The following TAFA5 variants were observed in gnomAD, a reference collection of about 807,000 sequenced individuals.
TAFA5 encodes the protein chemokine-like protein TAFA-5.
A neutral mutation model predicts 15.3 loss-of-function variants in TAFA5; 6 were observed. The ratio of observed to expected loss-of-function variants is 0.39; its 90% CI spans 0.21 to 0.77. TAFA5 has a LOEUF of 0.77. TAFA5 is among the 30% of genes least tolerant of loss of function. The pLI is 0.41. For missense variants in TAFA5, 161 were observed against 193.1 expected, an observed-to-expected ratio of 0.83 and a Z score of 0.98; for synonymous variants, 103 against 80.7, an observed-to-expected ratio of 1.28 and a Z score of -1.48.
intron 1 of TAFA5, among the ~76,000 whole-genome samples, chr22:48,564,116 C>T (rs750138745): frequency 6.6e-6 from 1 of 152,204 alleles, no homozygotes; most frequent in East Asian, 1.9e-4. Flanking sequence ...TCCACAAAGG[C>T]GGCTCATCCC....
chr22:48,726,691 G>A (rs1929725941), intron 3 of TAFA5, among the ~76,000 whole-genome samples: 1 of 152,078 alleles, frequency 6.6e-6, no homozygotes, highest in Admixed American at 6.5e-5. Context: ...CAATCCAGTC[G>A]TGGTAGTCTA....
In TAFA5 at chr22:48,598,994, C is replaced by T. The variant is rs934762306; in HGVS notation, c.113-47603C>T. Among the ~76,000 whole-genome samples the T allele has an allele frequency of 1.3e-5, 2 of 152,170 alleles. No homozygotes were observed. The highest frequency in any genetic ancestry group is 4.8e-5 in the African/African-American group (2 of 41,448). On this transcript the variant is annotated intron_variant, in intron 1 of 3. Coordinates refer to ENST00000402357, the MANE Select transcript of TAFA5 (RefSeq NM_001082967.3). This position sits in a 1 kb window ranked among gnomAD's most constrained non-coding sequence, Gnocchi z 4.0. Reference sequence around the variant, plus strand: ...GGGTATGACGGGCTGTGCCAGCTGGCAGAGGTGCATAGGGCCAGGGGAGGG... The same window carrying T: ...GGGTATGACGGGCTGTGCCAGCTGGTAGAGGTGCATAGGGCCAGGGGAGGG...
chr22:48,600,421 C>T (rs1924923506), intron 1 of TAFA5, among the ~76,000 whole-genome samples: 1 of 152,148 alleles, frequency 6.6e-6, no homozygotes, highest in South Asian at 2.1e-4. Context: ...CATGAAGGGG[C>T]CCGAGGCAGC....
chr22:48,734,889 A>G (rs1475758302), intron 3 of TAFA5, among the ~76,000 whole-genome samples: 1 of 152,176 alleles, frequency 6.6e-6, no homozygotes, highest in Non-Finnish European at 1.5e-5. Flanking sequence ...ACCATGTTCA[A>G]AACTAAATTC....
intron 2 of TAFA5, among the ~76,000 whole-genome samples, chr22:48,663,781 T>A (rs1403733230): frequency 6.6e-6 from 1 of 152,212 alleles, no homozygotes; most frequent in East Asian, 1.9e-4. Flanking sequence ...TGCCTATTAG[T>A]CACTAAGTAG....
In TAFA5 at chr22:48,542,024, C is replaced by T. The variant is rs1222532518; in HGVS notation, c.112+52320C>T. On this transcript the variant is annotated intron_variant, in intron 1 of 3. Coordinates refer to ENST00000402357, the MANE Select transcript of TAFA5 (RefSeq NM_001082967.3). ...ATCAGCCGCTGTGGTTCTTGTCACC[C>T]GGGTGTTCAGATTGGAGGGGCCGGG... Among the ~76,000 whole-genome samples, 6 of 152,050 alleles carry T rather than the reference C, an allele frequency of 3.9e-5. No homozygotes were observed. In the East Asian group the frequency reaches 7.7e-4, roughly 20 times the overall value.
At chr22:48,525,277 G>T (rs1921741253) in intron 1 of TAFA5, among the ~76,000 whole-genome samples, 1 of 152,154 alleles carries the variant, frequency 6.6e-6, no homozygotes, top group Non-Finnish European at 1.5e-5. Flanking sequence ...CTCCCCATGG[G>T]GGGTCCCATC....
intron 1 of TAFA5, among the ~76,000 whole-genome samples, chr22:48,528,189 C>T (rs542260012): frequency 7.2e-5 from 11 of 152,210 alleles, no homozygotes; most frequent in Non-Finnish European, 1.0e-4. Flanking sequence ...GCCGGAAACC[C>T]GTGAATCAGG....
At chr22:48,563,362 C>T (rs1395499280) in intron 1 of TAFA5, among the ~76,000 whole-genome samples, 4 of 152,328 alleles carry the variant, frequency 2.6e-5, no homozygotes, top group East Asian at 3.9e-4. Flanking sequence ...CCACGGGGGC[C>T]GTTTCTCCCA....
At chr22:48,719,828 CAAAAA>C (rs1310399331) in intron 3 of TAFA5, among the ~76,000 whole-genome samples, 1 of 152,154 alleles carries the variant, frequency 6.6e-6, no homozygotes, top group East Asian at 1.9e-4. Flanking sequence ...TGTGTGTAAA[CAAAAA>C]CGTATATGGC....
chr22:48,704,200 G>GCGCACACACACA (rs1003524010), intron 2 of TAFA5, among the ~76,000 whole-genome samples: 2 of 150,108 alleles, frequency 1.3e-5, no homozygotes, highest in African/African-American at 4.9e-5. Flanking sequence ...ACACACACGC[G>GCGCACACACACA]CACACACACA....
intron 2 of TAFA5, among the ~76,000 whole-genome samples, chr22:48,653,156 C>T (rs537051928): frequency 3.3e-4 from 51 of 152,312 alleles, no homozygotes; most frequent in Non-Finnish European, 5.7e-4. Context: ...GTGTTATAAA[C>T]GCTTGGCAAG....
intron 1 of TAFA5, among the ~76,000 whole-genome samples, chr22:48,603,390 C>T (rs1925046345): frequency 6.6e-6 from 1 of 152,252 alleles, no homozygotes; most frequent in Non-Finnish European, 1.5e-5. Context: ...CCACGCTGGG[C>T]AGCAAGCACG....
chr22:48,692,690 A>G (rs1928579081), intron 2 of TAFA5, among the ~76,000 whole-genome samples: 1 of 152,174 alleles, frequency 6.6e-6, no homozygotes, highest in African/African-American at 2.4e-5. Context: ...AGGATGGGGA[A>G]CTCCGCAGAG....
intron 1 of TAFA5, chr22:48,576,168 C>G (rs1923785995): frequency 5.8e-6 from 1 of 171,576 alleles, no homozygotes; most frequent in East Asian, 1.6e-4. Flanking sequence ...CCCCCCGGCG[C>G]CCCGCAGCCA....
chr22:48,721,607 C>T (rs780456871), intron 3 of TAFA5, among the ~76,000 whole-genome samples: 19 of 152,346 alleles, frequency 1.2e-4, no homozygotes, highest in East Asian at 5.8e-4. Context: ...TTACAGATGA[C>T]ATCACTTTGA....
chr22:48,599,141 G>C (rs189609760), intron 1 of TAFA5, among the ~76,000 whole-genome samples: 1 of 152,092 alleles, frequency 6.6e-6, no homozygotes, highest in African/African-American at 2.4e-5. Flanking sequence ...TGTTTCCTTG[G>C]GTACATATGA....
intron 3 of TAFA5, among the ~76,000 whole-genome samples, chr22:48,712,491 T>C (rs575125250): frequency 6.6e-6 from 1 of 152,266 alleles, no homozygotes; most frequent in South Asian, 2.1e-4. Flanking sequence ...GTCAGGAGGG[T>C]GAGCGCCCGG....
At chr22:48,599,314 C>T (rs375514145) in intron 1 of TAFA5, among the ~76,000 whole-genome samples, 27 of 152,306 alleles carry the variant, frequency 1.8e-4, no homozygotes, top group East Asian at 1.4e-3. Flanking sequence ...CAGTCCGCTC[C>T]GTAACACGCA....
Sources: gnomAD v4.1 joint callset for allele counts (sites outside exome capture counted in the v4.1 genomes callset) on GRCh38, gnomAD v4.1.1 for gene constraint, Gnocchi (gnomAD v3.1) non-coding constraint, MANE v1.5 for transcripts, NCBI Gene and HGNC (gene_info 2026-07-23, HGNC 2026-07-21) for gene names.